Variants in XPO4 observed in about 807,000 individuals in gnomAD.
XPO4 encodes exportin-4.
Under a neutral mutation model 143.0 loss-of-function variants are expected in XPO4, and 39 were observed. The observed-to-expected ratio is 0.27, with a 90% CI of 0.21 to 0.36. The LOEUF (loss-of-function observed/expected upper bound fraction) is 0.36, where lower values mean the gene tolerates loss of function less well. Ranked by LOEUF, XPO4 falls within the 10% of genes least tolerant of loss-of-function variation. The pLI, the probability that XPO4 is intolerant of heterozygous loss-of-function variation, is 1.00. For missense variants in XPO4, 907 were observed against 1,348.0 expected, an observed-to-expected ratio of 0.67 and a Z score of 5.12; for synonymous variants, 439 against 474.0, an observed-to-expected ratio of 0.93 and a Z score of 0.96.
At chr13:20,822,925 T>A (rs2059738882) in intron 7 of XPO4, among the ~76,000 whole-genome samples, 1 of 152,224 alleles carries the variant, frequency 6.6e-6, no homozygotes, top group Admixed American at 6.5e-5. Context: ...AAAGCTAACC[T>A]ATATTTTACT....
intron 18 of XPO4, 56 bp downstream of exon 18, chr13:20,796,020 A>C (rs1248596647): frequency 8.8e-6 from 13 of 1,480,586 alleles, no homozygotes; most frequent in Non-Finnish European, 1.2e-5. Context: ...CAATCCTTTG[A>C]TTTAATAAAA....
At chr13:20,808,682 G>A (rs1029010546) in intron 11 of XPO4, 101 bp from the exon 12 acceptor site, 44 of 1,018,058 alleles carry the variant, frequency 4.3e-5, no homozygotes, top group East Asian at 5.3e-5. Context: ...GAATGTTAGC[G>A]TAAAAACACA....
rs147454898 is a variant in XPO4, at chr13:20,785,010, G to A, written c.3259-1091C>T. ...AGCCTCCTAAGAGCCTGGGACTACA[G>A]GCATGCACCACCATCCCTGGCTAAT... On this transcript the variant is annotated intron_variant, in intron 22 of 22. Coordinates refer to ENST00000255305, the MANE Select transcript of XPO4 (RefSeq NM_022459.5). Among the ~76,000 whole-genome samples, 338 of 152,268 alleles carry A rather than the reference G, an allele frequency of 2.2e-3. 1 individual carries two copies. Among genetic ancestry groups the A allele is most frequent in the African/African-American group, 7.8e-3 (325 of 41,560 alleles).
In XPO4 at chr13:20,778,451, G is replaced by A. The variant is rs888283365; in HGVS notation, c.*5271C>T. Reference sequence around the variant, plus strand: ...TTTACAAGATTTAACACTGGGCAAAGGGTGGATCTATCTAGCACACAGTAA... The same window carrying A: ...TTTACAAGATTTAACACTGGGCAAAAGGTGGATCTATCTAGCACACAGTAA... On this transcript the variant is annotated 3_prime_UTR_variant, in exon 23 of 23. Coordinates refer to ENST00000255305, the MANE Select transcript of XPO4 (RefSeq NM_022459.5). 4 of 152,136 alleles carry A rather than the reference G, an allele frequency of 2.6e-5. No homozygotes were observed. Among genetic ancestry groups the A allele is most frequent in the African/African-American group, 9.7e-5 (4 of 41,414 alleles). The allele number at this position is 152,136 out of a possible 1,614,324, so 9.4% of individuals were successfully genotyped here.
At chr13:20,794,939 C>A (rs1228702258) in intron 18 of XPO4, among the ~76,000 whole-genome samples, 2 of 150,956 alleles carry the variant, frequency 1.3e-5, no homozygotes, top group African/African-American at 4.9e-5. Flanking sequence ...AAGAGTAAAC[C>A]TTCTACACTG....
Position 20,808,486 on chromosome 13 carries a change from T to C in XPO4, c.1589A>G (p.Lys530Arg). Residue 530 changes from lysine (K) to arginine (R), a missense_variant, in exon 12 of 23, where the codon AAA (lysine) becomes AGA (arginine). By Grantham distance (26) the Lys-to-Arg change is conservative. Coordinates refer to ENST00000255305, the MANE Select transcript of XPO4 (RefSeq NM_022459.5). ...ASPGSSTVDN[K>R]MLDDLYEDIH... Reference sequence around the variant, plus strand: ...ATCTTCATAGAGATCATCAAGCATTTTGTTGTCAACAGTGCTTGAACCCGG... The same window carrying C: ...ATCTTCATAGAGATCATCAAGCATTCTGTTGTCAACAGTGCTTGAACCCGG... The C allele has an allele frequency of 1.3e-6, 2 of 1,572,696 alleles. No individual in the cohort carries two copies. The highest frequency in any genetic ancestry group is 1.7e-6 in the Non-Finnish European group (2 of 1,149,334).
chr13:20,787,636 T>C, intron 20 of XPO4, 38 bp from the exon 21 acceptor site: 1 of 1,550,014 alleles, frequency 6.5e-7, no homozygotes, highest in Non-Finnish European at 8.9e-7. Flanking sequence ...AGATTGGATA[T>C]ATTCGATTTA....
chr13:20,815,082 C>CA (rs1453879336), intron 9 of XPO4, among the ~76,000 whole-genome samples: 1 of 152,138 alleles, frequency 6.6e-6, no homozygotes, highest in Non-Finnish European at 1.5e-5. Flanking sequence ...AACAACACTA[C>CA]ACGATTCCAA....
chr13:20,851,501 A>G (rs900723956), intron 4 of XPO4: 1 of 900,656 alleles, frequency 1.1e-6, no homozygotes. Context: ...TTGAGCCTGG[A>G]AGTTTGAGAC....
At chr13:20,862,087 C>T (rs1364997235) in intron 3 of XPO4, among the ~76,000 whole-genome samples, 2 of 151,922 alleles carry the variant, frequency 1.3e-5, no homozygotes, top group Admixed American at 6.6e-5. Context: ...ACACCCAGCC[C>T]TCTATGCACA....
At chr13:20,816,686 A>G (rs1438263101) in intron 9 of XPO4, among the ~76,000 whole-genome samples, 1 of 152,206 alleles carries the variant, frequency 6.6e-6, no homozygotes, top group Non-Finnish European at 1.5e-5. Flanking sequence ...GAAACTTAAC[A>G]CTGGTTCTGC....
At chr13:20,790,355 T>G in intron 19 of XPO4, 107 bp downstream of exon 19, 1 of 880,556 alleles carries the variant, frequency 1.1e-6, no homozygotes, top group South Asian at 1.4e-5. Flanking sequence ...TCATGTGCAC[T>G]TAGCAGATAC....
Position 20,834,108 on chromosome 13 carries a change from C to T in XPO4, c.728-6929G>A, listed in dbSNP as rs181236500. Among the ~76,000 whole-genome samples the T allele has an allele frequency of 2.6e-5, 4 of 152,268 alleles. No individual in the cohort carries two copies. In the East Asian group the frequency reaches 7.7e-4, roughly 29 times the overall value. On this transcript the variant is annotated intron_variant, in intron 6 of 22. Transcript: ENST00000255305. The stretch of plus-strand genomic sequence containing the variant: ...GTGATTTTTAACATCTACCAAATCA[C>T]AGAAACTGTGGACTTTGCACCACTG...
chr13:20,811,578 G>A (rs2059582807), intron 9 of XPO4, among the ~76,000 whole-genome samples: 1 of 151,992 alleles, frequency 6.6e-6, no homozygotes, highest in African/African-American at 2.4e-5. Context: ...GTAACCCACT[G>A]CACCTGGCCA....
intron 1 of XPO4, among the ~76,000 whole-genome samples, chr13:20,895,285 A>T (rs978457365): frequency 6.6e-6 from 1 of 152,208 alleles, no homozygotes; most frequent in Non-Finnish European, 1.5e-5. Context: ...TATTAAAACT[A>T]TATTAAGCAC....
intron 1 of XPO4, among the ~76,000 whole-genome samples, chr13:20,893,254 T>C (rs1354273932): frequency 1.3e-5 from 2 of 152,234 alleles, no homozygotes; most frequent in Non-Finnish European, 2.9e-5. Flanking sequence ...CCCCTGCTTT[T>C]TGTGAACAAG....
chr13:20,848,971 T>A, intron 4 of XPO4: 1 of 985,412 alleles, frequency 1.0e-6, no homozygotes, highest in Non-Finnish European at 1.2e-6. Flanking sequence ...ACATTGAAAG[T>A]CTTAGACCAG....
intron 3 of XPO4, among the ~76,000 whole-genome samples, chr13:20,857,587 C>A (rs928715023): frequency 1.3e-5 from 2 of 151,770 alleles, no homozygotes; most frequent in Non-Finnish European, 2.9e-5. Context: ...ATTAGCCAGG[C>A]GTGGTGGCAG....
chr13:20,870,744 C>A (rs2060289215), intron 1 of XPO4, among the ~76,000 whole-genome samples: 1 of 144,652 alleles, frequency 6.9e-6, no homozygotes, highest in Non-Finnish European at 1.5e-5. Context: ...AAAAAAAAAA[C>A]TGAACAGCAA....
Sources: allele counts gnomAD v4.1 joint callset (sites outside exome capture counted in the v4.1 genomes callset), GRCh38; gene constraint gnomAD v4.1.1; transcripts MANE v1.5; gene names NCBI Gene and HGNC (gene_info 2026-07-23, HGNC 2026-07-21).